PGBD5: variants seen among roughly 807,000 people sequenced by gnomAD.
PGBD5 encodes piggyBac transposable element derived 5, also known as piggyBac transposable element-derived protein 5.
A neutral mutation model predicts 47.9 loss-of-function variants in PGBD5; 14 were observed. The observed-to-expected ratio is 0.29, with a 90% confidence interval of 0.19 to 0.46. The LOEUF (loss-of-function observed/expected upper bound fraction) is 0.46, where lower values mean the gene tolerates loss of function less well. Ranked by LOEUF, PGBD5 falls within the 20% of genes least tolerant of loss-of-function variation. The probability of loss-of-function intolerance (pLI) is 1.00; values close to 1 mark genes in which losing one functional copy is unlikely to be tolerated. For missense variants in PGBD5, 635 were observed against 716.0 expected (o/e 0.89, Z 1.29); for synonymous variants, 316 against 306.3 (o/e 1.03, Z -0.33).
intron 3 of PGBD5, among the ~76,000 whole-genome samples, chr1:230,347,243 G>A (rs1667488060): frequency 1.3e-5 from 2 of 152,100 alleles, no homozygotes; most frequent in African/African-American, 4.8e-5. Flanking sequence ...ACGAGTGTGT[G>A]TATATAAACA....
chr1:230,383,235 A>C (rs1174470116), intron 1 of PGBD5, among the ~76,000 whole-genome samples: 1 of 151,816 alleles, frequency 6.6e-6, no homozygotes, highest in East Asian at 1.9e-4. Context: ...ATGCCCAGCT[A>C]ATTAAAAAAA....
At chr1:230,373,020 T>C (rs557280827) in intron 1 of PGBD5, among the ~76,000 whole-genome samples, 13 of 152,286 alleles carry the variant, frequency 8.5e-5, no homozygotes, top group African/African-American at 2.9e-4. Flanking sequence ...CCAAAGGAGT[T>C]TTCACTTTAA....
intron 3 of PGBD5, among the ~76,000 whole-genome samples, chr1:230,346,073 G>A (rs150188751): frequency 3.3e-5 from 5 of 152,028 alleles, no homozygotes; most frequent in South Asian, 2.1e-4. Context: ...ACAGGGTCTC[G>A]CTCTGACACC....
At chr1:230,337,693 A>C (rs1320728940) in intron 3 of PGBD5, among the ~76,000 whole-genome samples, 1 of 152,240 alleles carries the variant, frequency 6.6e-6, no homozygotes, top group Non-Finnish European at 1.5e-5. Flanking sequence ...TTAATTTACA[A>C]GGTATGTTCA....
intron 1 of PGBD5, among the ~76,000 whole-genome samples, chr1:230,378,180 A>C (rs1668044557): frequency 6.6e-6 from 1 of 152,180 alleles, no homozygotes; most frequent in African/African-American, 2.4e-5. Context: ...ACCACATGGG[A>C]CCTAGTATTG....
intron 1 of PGBD5, among the ~76,000 whole-genome samples, chr1:230,375,229 C>T (rs1667991759): frequency 6.6e-6 from 1 of 152,222 alleles, no homozygotes; most frequent in African/African-American, 2.4e-5. Flanking sequence ...CAAATGTTAA[C>T]ACGGTAGTCA....
chr1:230,416,642 GGCCTGGCAGACAGA>G (rs1180498338), intron 1 of PGBD5, among the ~76,000 whole-genome samples: 1 of 152,160 alleles, frequency 6.6e-6, no homozygotes, highest in Non-Finnish European at 1.5e-5. Context: ...TCCGGGCAAG[GGCCTGGCAGACAGA>G]AGATCACATG....
chr1:230,381,753 C>T (rs115956572), intron 1 of PGBD5, among the ~76,000 whole-genome samples: 4,881 of 152,268 alleles, frequency 0.032, 107 homozygotes, highest in East Asian at 0.079. Flanking sequence ...GTGTTCTCTT[C>T]CCTTGCAACT....
At chr1:230,409,541 A>G (rs985441395) in intron 1 of PGBD5, among the ~76,000 whole-genome samples, 1 of 152,242 alleles carries the variant, frequency 6.6e-6, no homozygotes, top group Admixed American at 6.5e-5. Context: ...ATACTGAGAC[A>G]TGTGACAACA....
intron 4 of PGBD5, among the ~76,000 whole-genome samples, chr1:230,333,584 C>T (rs993149462): frequency 6.6e-6 from 1 of 152,220 alleles, no homozygotes; most frequent in African/African-American, 2.4e-5. Flanking sequence ...CTCACCAGGA[C>T]GTGGCTGAAC....
At chr1:230,400,445 C>T (rs533946655) in intron 1 of PGBD5, among the ~76,000 whole-genome samples, 34 of 152,140 alleles carry the variant, frequency 2.2e-4, no homozygotes, top group African/African-American at 8.0e-4. Context: ...CTGTTACCCA[C>T]TCTAGAATGT....
At chr1:230,333,808 G>C (rs575064007) in intron 4 of PGBD5, among the ~76,000 whole-genome samples, 1 of 152,342 alleles carries the variant, frequency 6.6e-6, no homozygotes, top group South Asian at 2.1e-4. Context: ...ATGGGTGGCT[G>C]GTGGGCGGTA....
intron 3 of PGBD5, among the ~76,000 whole-genome samples, chr1:230,345,564 TACAG>T (rs1265850852): frequency 2.6e-5 from 4 of 152,332 alleles, no homozygotes; most frequent in African/African-American, 7.2e-5. Flanking sequence ...ACAGAATAAA[TACAG>T]ACAGTCTCCA....
At chr1:230,343,150 T>C (rs997396762) in intron 3 of PGBD5, among the ~76,000 whole-genome samples, 2 of 152,094 alleles carry the variant, frequency 1.3e-5, no homozygotes, top group African/African-American at 2.4e-5. Flanking sequence ...GAAGAGCTCA[T>C]GTGCTGAGTC....
At chr1:230,405,256 C>T (rs1355702787) in intron 1 of PGBD5, among the ~76,000 whole-genome samples, 1 of 151,812 alleles carries the variant, frequency 6.6e-6, no homozygotes, top group African/African-American at 2.4e-5. Flanking sequence ...TTGAACAACA[C>T]GGGTTTGACC....
rs1471877474 is a variant in PGBD5, at chr1:230,315,690, ATTTACACACAC to A, written c.*7724_*7734del. 2.9e-3 allele frequency: 433 copies of A among 151,432 alleles called. 3 individuals are homozygous for A. The highest frequency in any genetic ancestry group is 0.01 in the African/African-American group (420 of 41,268). The allele number at this position is 151,432 out of a possible 1,614,324, so 9.4% of individuals were successfully genotyped here. On this transcript the variant is annotated 3_prime_UTR_variant, in exon 7 of 7. Transcript: ENST00000391860. ...TTATCGTGTGTGTATGTGTGTGTAT[ATTTACACACAC>A]ATACACACAAGATAGATATATATAT...
chr1:230,374,217 G>A (rs1667978157), intron 1 of PGBD5, among the ~76,000 whole-genome samples: 1 of 152,176 alleles, frequency 6.6e-6, no homozygotes, highest in African/African-American at 2.4e-5. Flanking sequence ...AGGAGTTTGA[G>A]ACCAGCCTGA....
chr1:230,361,195 G>A (rs561823160), intron 1 of PGBD5, among the ~76,000 whole-genome samples: 1 of 152,282 alleles, frequency 6.6e-6, no homozygotes, highest in Non-Finnish European at 1.5e-5. Context: ...CCTCCACAGT[G>A]CTCATGTGTT....
Position 230,323,332 on chromosome 1 carries a change from C to T in PGBD5, c.*93G>A. 2 of 1,455,054 alleles carry T rather than the reference C, an allele frequency of 1.4e-6. No homozygotes were observed. The highest frequency in any genetic ancestry group is 1.9e-6 in the Non-Finnish European group (2 of 1,077,038). 90.1% of individuals were successfully genotyped at this position (1,455,054 alleles called of 1,614,324 possible). ...CCCTCCCAGGCAGCAAGCCACACAC[C>T]AGGCCGTGTCCGGGTCTCTGATGGG... is the stretch of plus-strand genomic sequence containing the variant. On this transcript the variant is annotated 3_prime_UTR_variant, in exon 7 of 7. Coordinates refer to ENST00000391860, the MANE Select transcript of PGBD5 (RefSeq NM_001258311.2). This position sits in a 1 kb window ranked among gnomAD's most constrained non-coding sequence, Gnocchi z 4.1.
Sources: gnomAD v4.1 joint callset for allele counts (sites outside exome capture counted in the v4.1 genomes callset) on GRCh38, gnomAD v4.1.1 for gene constraint, Gnocchi (gnomAD v3.1) non-coding constraint, MANE v1.5 for transcripts, NCBI Gene and HGNC (gene_info 2026-07-23, HGNC 2026-07-21) for gene names.